PARD3B: variants seen among roughly 807,000 people sequenced by gnomAD.
PARD3B encodes par-3 family cell polarity regulator beta.
In PARD3B, 103 loss-of-function variants were observed where a neutral mutation model predicts 130.2. The observed-to-expected ratio is 0.79, with a 90% CI of 0.67 to 0.93. The LOEUF is 0.93. Ranked by LOEUF, PARD3B falls within the 40% of genes least tolerant of loss-of-function variation. The pLI is 0.00. For missense variants in PARD3B, 1,609 were observed against 1,499.2 expected (o/e 1.07, Z -1.21); for synonymous variants, 583 against 553.2 (o/e 1.05, Z -0.76).
At chr2:205,303,740 C>G (rs938395222) in intron 18 of PARD3B, among the ~76,000 whole-genome samples, 1 of 152,154 alleles carries the variant, frequency 6.6e-6, no homozygotes, top group East Asian at 1.9e-4. Context: ...AGGGAGGAGG[C>G]AGTCAATTTT....
intron 22 of PARD3B, among the ~76,000 whole-genome samples, chr2:205,606,947 C>A (rs2055021925): frequency 6.6e-6 from 1 of 152,108 alleles, no homozygotes; most frequent in Non-Finnish European, 1.5e-5. Context: ...CCTTTCAGAC[C>A]TTTTCCTGGG....
chr2:205,422,627 A>C (rs1182553708), intron 19 of PARD3B, among the ~76,000 whole-genome samples: 1 of 152,228 alleles, frequency 6.6e-6, no homozygotes, highest in East Asian at 1.9e-4. Context: ...ACAATAAAAA[A>C]AATGCCAATT....
chr2:204,827,527 A>G (rs2043630523), intron 2 of PARD3B, among the ~76,000 whole-genome samples: 1 of 152,222 alleles, frequency 6.6e-6, no homozygotes, highest in Non-Finnish European at 1.5e-5. Context: ...ATTTGCATTA[A>G]GAATATTAAT....
intron 10 of PARD3B, among the ~76,000 whole-genome samples, chr2:205,156,622 G>T (rs1027294470): frequency 1.8e-4 from 28 of 151,924 alleles, no homozygotes; most frequent in Non-Finnish European, 3.5e-4. Flanking sequence ...AGTCTTCTGG[G>T]CTGTAAACAT....
chr2:205,054,430 ATATATATTTTTTT>A (rs1476085850), intron 4 of PARD3B, among the ~76,000 whole-genome samples: 954 of 37,684 alleles, frequency 0.025, 26 homozygotes, highest in Admixed American at 0.046. Flanking sequence ...ATATATATAT[ATATATATTTTTTT>A]TTTTTTTTTT....
intron 11 of PARD3B, among the ~76,000 whole-genome samples, chr2:205,162,219 T>C (rs1263786274): frequency 6.6e-6 from 1 of 152,194 alleles, no homozygotes; most frequent in Non-Finnish European, 1.5e-5. Context: ...TCTACCCTGC[T>C]CAGAATTATC....
chr2:204,797,262 C>T (rs757185082), intron 2 of PARD3B, among the ~76,000 whole-genome samples: 1 of 148,020 alleles, frequency 6.8e-6, no homozygotes, highest in African/African-American at 2.5e-5. Flanking sequence ...TAATAATTAA[C>T]AACTTAGAAT....
intron 3 of PARD3B, among the ~76,000 whole-genome samples, chr2:204,973,158 G>T (rs1041890366): frequency 5.3e-5 from 8 of 152,144 alleles, no homozygotes; most frequent in African/African-American, 1.7e-4. Context: ...TGAGGCAGCC[G>T]AAACACAGCC....
At chr2:205,546,194 C>T (rs1021929895) in intron 21 of PARD3B, among the ~76,000 whole-genome samples, 1 of 152,148 alleles carries the variant, frequency 6.6e-6, no homozygotes, top group Non-Finnish European at 1.5e-5. Flanking sequence ...AGGGTCACCA[C>T]GTGCAAGGCG....
At chr2:204,858,085 A>C (rs1029159232) in intron 2 of PARD3B, among the ~76,000 whole-genome samples, 6 of 152,190 alleles carry the variant, frequency 3.9e-5, no homozygotes, top group Non-Finnish European at 8.8e-5. Flanking sequence ...TATCCATAAT[A>C]TTGTAAATGG....
chr2:204,955,555 T>C (rs1302510714), intron 2 of PARD3B, among the ~76,000 whole-genome samples: 5 of 152,204 alleles, frequency 3.3e-5, no homozygotes, highest in Admixed American at 2.6e-4. Flanking sequence ...AAAATGTAGA[T>C]CATTCATTTA....
At chr2:204,880,332 G>C (rs147300246) in intron 2 of PARD3B, among the ~76,000 whole-genome samples, 1 of 152,094 alleles carries the variant, frequency 6.6e-6, no homozygotes, top group East Asian at 1.9e-4. Context: ...TACATATATA[G>C]AGAGAGAGCA....
chr2:205,214,589 G>T (rs999806282), intron 15 of PARD3B, among the ~76,000 whole-genome samples: 1 of 151,716 alleles, frequency 6.6e-6, no homozygotes, highest in Non-Finnish European at 1.5e-5. Flanking sequence ...CAGACCCAAT[G>T]TAGCTTCATA....
At chr2:205,456,248 T>G (rs920817069) in intron 20 of PARD3B, among the ~76,000 whole-genome samples, 2 of 152,152 alleles carry the variant, frequency 1.3e-5, no homozygotes, top group Admixed American at 1.3e-4. Context: ...TACCATTTGC[T>G]TAATCATTCA....
intron 2 of PARD3B, among the ~76,000 whole-genome samples, chr2:204,764,518 G>A (rs1403427384): frequency 6.6e-6 from 1 of 152,118 alleles, no homozygotes; most frequent in Admixed American, 6.6e-5. Flanking sequence ...CTAACTGCCT[G>A]CCTGACCATT....
chr2:205,549,869 G>T (rs971235381), intron 21 of PARD3B, among the ~76,000 whole-genome samples: 7 of 152,176 alleles, frequency 4.6e-5, no homozygotes, highest in Non-Finnish European at 8.8e-5. Flanking sequence ...AGGAGGTTAT[G>T]CATGTGTAGG....
At chr2:205,367,351 C>T (rs1024914637) in intron 18 of PARD3B, among the ~76,000 whole-genome samples, 1 of 152,076 alleles carries the variant, frequency 6.6e-6, no homozygotes. Flanking sequence ...CCATCCTCCT[C>T]TTAAGTGAGG....
Position 204,839,373 on chromosome 2 carries a change from A to G in PARD3B, c.223-125779A>G, listed in dbSNP as rs550489447. Among the ~76,000 whole-genome samples, 3 of 152,316 alleles carry G rather than the reference A, an allele frequency of 2.0e-5. No homozygotes were observed. The South Asian group carries it at 6.2e-4, about 32-fold the overall frequency. ...TGAGTAAAAGTATTCTCTTACTTCT[A>G]GTAAGGTAGTTTCAGGAAAACACTT... On this transcript the variant is annotated intron_variant, in intron 2 of 22. Coordinates refer to ENST00000406610, the MANE Select transcript of PARD3B (RefSeq NM_001302769.2).
intron 2 of PARD3B, among the ~76,000 whole-genome samples, chr2:204,898,796 G>A (rs1329592351): frequency 1.3e-5 from 2 of 152,074 alleles, no homozygotes; most frequent in Non-Finnish European, 2.9e-5. Context: ...ATATTTCTGG[G>A]TGCTTTGTGT....
Sources: gnomAD v4.1 joint callset for allele counts (sites outside exome capture counted in the v4.1 genomes callset) on GRCh38, gnomAD v4.1.1 for gene constraint, MANE v1.5 for transcripts, NCBI Gene and HGNC (gene_info 2026-07-23, HGNC 2026-07-21) for gene names.